Variants in EXTL3 observed in about 807,000 individuals in gnomAD.
EXTL3 encodes exostosin like glycosyltransferase 3.
EXTL3 carries 27 observed loss-of-function variants against 69.3 expected under a neutral mutation model. The observed-to-expected ratio is 0.39, with a 90% CI of 0.29 to 0.54. The LOEUF (loss-of-function observed/expected upper bound fraction) is 0.54, where lower values mean the gene tolerates loss of function less well. Ranked by LOEUF, EXTL3 falls within the 20% of genes least tolerant of loss-of-function variation. The pLI is 0.69. For missense variants in EXTL3, 1,003 were observed against 1,231.8 expected (o/e 0.81, Z 2.78); for synonymous variants, 511 against 499.4 (o/e 1.02, Z -0.31).
intron 1 of EXTL3, among the ~76,000 whole-genome samples, chr8:28,673,409 G>T (rs910929072): frequency 2.0e-5 from 3 of 152,148 alleles, no homozygotes; most frequent in African/African-American, 7.2e-5. Context: ...ATCGATGGAG[G>T]GCCTGAAGAG....
chr8:28,613,371 A>G (rs1279550335), intron 2 of EXTL3, among the ~76,000 whole-genome samples: 1 of 151,962 alleles, frequency 6.6e-6, no homozygotes, highest in Admixed American at 6.6e-5. Flanking sequence ...TTTAGTAGAG[A>G]CAGGGTTTCA....
chr8:28,633,620 C>T (rs1439117175), intron 1 of EXTL3, among the ~76,000 whole-genome samples: 1 of 151,776 alleles, frequency 6.6e-6, no homozygotes, highest in Non-Finnish European at 1.5e-5. Context: ...GGTGACAGAG[C>T]GAGACTCTGT....
chr8:28,671,550 G>A (rs1181678361), intron 1 of EXTL3, among the ~76,000 whole-genome samples: 1 of 151,868 alleles, frequency 6.6e-6, no homozygotes, highest in Admixed American at 6.6e-5. Context: ...ATGTTGGCCA[G>A]GCTGGTCTTG....
At position 28,751,085 on chromosome 8, in the gene EXTL3, AG is replaced by A; in HGVS notation, c.*222del. 1.7e-6 allele frequency: 1 copy of A among 578,542 alleles called. No homozygotes were observed. The highest frequency in any genetic ancestry group is 3.1e-6 in the Non-Finnish European group (1 of 322,828). The allele number at this position is 578,542 out of a possible 1,614,324, so 35.8% of individuals were successfully genotyped here. A position where few individuals can be genotyped will look rare whatever the true frequency, so the allele number is the denominator to read the frequency against. On this transcript the variant is annotated 3_prime_UTR_variant, in exon 7 of 7. Coordinates refer to ENST00000220562, the MANE Select transcript of EXTL3 (RefSeq NM_001440.4). ...GCGGAGTCCCCGGGGTTCCCCACAC[AG>A]GGCACTGACTGATAGCTTACACTGA... is the stretch of plus-strand genomic sequence containing the variant.
At chr8:28,622,088 A>G (rs1165862266), upstream of EXTL3, among the ~76,000 whole-genome samples, 2 of 152,170 alleles carry the variant, frequency 1.3e-5, no homozygotes, top group Non-Finnish European at 2.9e-5. Flanking sequence ...CTCTAGACTG[A>G]GCTGACCTGT....
At chr8:28,731,506 C>G (rs561913610) in intron 4 of EXTL3, among the ~76,000 whole-genome samples, 156 bp downstream of exon 4, 1 of 152,142 alleles carries the variant, frequency 6.6e-6, no homozygotes, top group African/African-American at 2.4e-5. Flanking sequence ...TCGTAGATGG[C>G]GTTGGAGGAG....
In EXTL3 at chr8:28,753,151, A is replaced by G. The variant is rs900150516; in HGVS notation, c.*2285A>G. ...AACACTGGCTTGAAGGACTGCAGAC[A>G]GGCTCTGAGGGGCACGCCCTCCTCA... On this transcript the variant is annotated 3_prime_UTR_variant, in exon 7 of 7. Transcript: ENST00000220562. 6.6e-6 allele frequency: 1 copy of G among 152,280 alleles called. No individual in the cohort carries two copies. Among genetic ancestry groups the G allele is most frequent in the Non-Finnish European group, 1.5e-5 (1 of 68,072 alleles). The allele number at this position is 152,280 out of a possible 1,614,324, so 9.4% of individuals were successfully genotyped here. A position where few individuals can be genotyped will look rare whatever the true frequency, so the allele number is the denominator to read the frequency against.
chr8:28,680,379 CTG>C (rs1243145489), intron 1 of EXTL3, among the ~76,000 whole-genome samples: 7 of 94,140 alleles, frequency 7.4e-5, no homozygotes, highest in Non-Finnish European at 1.5e-4. Context: ...AACACAGACT[CTG>C]TCTCAAAAAA....
At chr8:28,616,923 G>T (rs1019719624) in intron 2 of EXTL3, among the ~76,000 whole-genome samples, 2 of 152,184 alleles carry the variant, frequency 1.3e-5, no homozygotes, top group African/African-American at 2.4e-5. Flanking sequence ...GTTCCTCTTT[G>T]CTTCCTTCTT....
intron 3 of EXTL3, among the ~76,000 whole-genome samples, chr8:28,722,664 C>T (rs1380875722): frequency 4.6e-5 from 7 of 150,646 alleles, no homozygotes; most frequent in African/African-American, 1.7e-4. Context: ...AATCCAGGCT[C>T]TTGGGAAGCC....
At chr8:28,631,746 G>C (rs951127705) in intron 1 of EXTL3, 2 of 152,200 alleles carry the variant, frequency 1.3e-5, no homozygotes, top group Non-Finnish European at 2.9e-5. Flanking sequence ...AGGTCTGCTA[G>C]TTGCTAGTTT....
upstream of EXTL3, among the ~76,000 whole-genome samples, chr8:28,619,265 A>C: frequency 1.5e-5 from 1 of 66,232 alleles, no homozygotes. Flanking sequence ...TAGCTTAGTG[A>C]TAAAAAAAAA....
At chr8:28,737,450 A>G in intron 4 of EXTL3, 69 bp from the exon 5 acceptor site, 2 of 1,559,676 alleles carry the variant, frequency 1.3e-6, no homozygotes, top group Non-Finnish European at 1.8e-6. Flanking sequence ...TGGAGGCAAT[A>G]ACTGTGAACA....
chr8:28,737,244 C>G (rs1406826843), intron 4 of EXTL3, among the ~76,000 whole-genome samples: 2 of 152,190 alleles, frequency 1.3e-5, no homozygotes, highest in Non-Finnish European at 2.9e-5. Context: ...TCTGGAGATC[C>G]CCTTTCCAAA....
At chr8:28,671,770 C>T (rs1362979687) in intron 1 of EXTL3, among the ~76,000 whole-genome samples, 1 of 152,176 alleles carries the variant, frequency 6.6e-6, no homozygotes, top group Non-Finnish European at 1.5e-5. Flanking sequence ...CCACTGGCAC[C>T]ACTTTGTGAG....
chr8:28,705,152 G>A (rs112145861), intron 1 of EXTL3, among the ~76,000 whole-genome samples: 51 of 152,314 alleles, frequency 3.3e-4, no homozygotes, highest in African/African-American at 1.1e-3. Flanking sequence ...AGGTAGGGTG[G>A]TGAAATTTTC....
At chr8:28,711,702 A>G (rs988071964) in intron 1 of EXTL3, among the ~76,000 whole-genome samples, 8 of 152,166 alleles carry the variant, frequency 5.3e-5, no homozygotes, top group African/African-American at 1.9e-4. Context: ...TCAATACAAT[A>G]TATTATTTGT....
chr8:28,649,258 G>T (rs981463639), intron 1 of EXTL3, among the ~76,000 whole-genome samples: 1 of 152,144 alleles, frequency 6.6e-6, no homozygotes, highest in Admixed American at 6.5e-5. Flanking sequence ...TTCCTCTAGG[G>T]TATTTATCTA....
intron 5 of EXTL3, chr8:28,742,737 T>C: frequency 3.2e-6 from 1 of 309,650 alleles, no homozygotes; most frequent in South Asian, 3.0e-5. Context: ...TTATCTTTTT[T>C]TTTTTTTTTG....
Sources: allele counts gnomAD v4.1 joint callset (sites outside exome capture counted in the v4.1 genomes callset), GRCh38; gene constraint gnomAD v4.1.1; transcripts MANE v1.5; gene names NCBI Gene and HGNC (gene_info 2026-07-23, HGNC 2026-07-21).